CCDC146: variants seen among roughly 807,000 people sequenced by gnomAD.
CCDC146 encodes coiled-coil domain containing 146.
CCDC146 carries 92 observed loss-of-function variants against 119.3 expected under a neutral mutation model. The ratio of observed to expected loss-of-function variants is 0.77; its 90% CI spans 0.65 to 0.92. The LOEUF is 0.92. CCDC146 is among the 40% of genes least tolerant of loss of function. The pLI is 0.00. For missense variants in CCDC146, 1,000 were observed against 1,103.0 expected (o/e 0.91, Z 1.32); for synonymous variants, 372 against 371.8 (o/e 1.00, Z -0.01).
At position 77,216,418 on chromosome 7, in the gene CCDC146, C is replaced by T. The variant is rs552528408; in HGVS notation, c.157-20529C>T. On this transcript the variant is annotated intron_variant, in intron 2 of 18. Coordinates refer to ENST00000285871, the MANE Select transcript of CCDC146 (RefSeq NM_020879.3). The stretch of plus-strand genomic sequence containing the variant: ...GTTATTCATTTATAAAAAATAGTTA[C>T]TGATTCACTAACAGAATCAAGTCCC... Among the ~76,000 whole-genome samples, 16 of 152,228 alleles carry T rather than the reference C, an allele frequency of 1.1e-4. 1 individual carries two copies. In the South Asian group the frequency reaches 1.9e-3, roughly 18 times the overall value.
intron 17 of CCDC146, among the ~76,000 whole-genome samples, chr7:77,292,616 CAAAAAAAAA>C (rs61250624): frequency 1.1e-5 from 1 of 90,018 alleles, no homozygotes; most frequent in African/African-American, 3.5e-5. Context: ...GACTCAGTCT[CAAAAAAAAA>C]AAAAAAAAAA....
At chr7:77,159,888 T>A (rs1167384059) in intron 1 of CCDC146, among the ~76,000 whole-genome samples, 3 of 152,206 alleles carry the variant, frequency 2.0e-5, no homozygotes, top group Non-Finnish European at 4.4e-5. Flanking sequence ...CTTCTAGGGT[T>A]TTTATGGTCT....
rs1213207291 is a variant in CCDC146, at chr7:77,131,974, T to A, written c.-12+9242T>A. Reference sequence around the variant, plus strand: ...GGGAAAGAACTGTTCTGCATCTTGATTGTAGTCATGGTAACTTGCGTACAA... The same window carrying A: ...GGGAAAGAACTGTTCTGCATCTTGAATGTAGTCATGGTAACTTGCGTACAA... On this transcript the variant is annotated intron_variant, in intron 1 of 18. Coordinates refer to ENST00000285871, the MANE Select transcript of CCDC146 (RefSeq NM_020879.3). 7.2e-5 allele frequency among the ~76,000 whole-genome samples: 11 copies of A among 152,368 alleles called. No individual in the cohort carries two copies. The East Asian group carries it at 1.9e-3, about 27-fold the overall frequency.
chr7:77,287,480 A>G lies in CCDC146; in HGVS notation c.2318A>G (p.Glu773Gly). 1 of 1,614,140 alleles carries G rather than the reference A, an allele frequency of 6.2e-7. No homozygotes were observed. The change falls in exon 17 of 19, where the codon GAG (glutamate) becomes GGG (glycine). Residue 773 changes from glutamate to glycine, a missense_variant. Around this residue, in one of 2 missense-constraint regions of CCDC146, gnomAD observed 985 missense variants for 1,045.3 expected, o/e 0.94. Transcript: ENST00000285871. ...QLAKKEEKLL[E>G]KDFIYEQVSR... ...GCCAAGAAGGAGGAGAAGCTGCTGG[A>G]GAAGGATTTCATCTATGAGCAGGTC... is the stretch of plus-strand genomic sequence containing the variant.
chr7:77,248,044 A>G (rs965381402), intron 4 of CCDC146, among the ~76,000 whole-genome samples: 2 of 152,250 alleles, frequency 1.3e-5, no homozygotes, highest in Non-Finnish European at 2.9e-5. Context: ...GTGTCTGTCA[A>G]GAGATTGGAT....
At chr7:77,131,329 T>C (rs1196779182) in intron 1 of CCDC146, among the ~76,000 whole-genome samples, 1 of 151,988 alleles carries the variant, frequency 6.6e-6, no homozygotes, top group African/African-American at 2.4e-5. Flanking sequence ...GTCTCTCAAA[T>C]GTGAGTGGAA....
intron 10 of CCDC146, 40 bp downstream of exon 10, chr7:77,273,829 G>A (rs776005189): frequency 2.2e-5 from 29 of 1,318,770 alleles, no homozygotes; most frequent in African/African-American, 1.7e-4. Flanking sequence ...TCTAAGAAGC[G>A]TTCATACAAA....
intron 2 of CCDC146, among the ~76,000 whole-genome samples, chr7:77,228,755 ATACT>A (rs1374020007): frequency 6.6e-6 from 1 of 152,216 alleles, no homozygotes; most frequent in African/African-American, 2.4e-5. Context: ...AATGGCTGAA[ATACT>A]TACACTCCCA....
chr7:77,213,494 A>G (rs571442079), intron 2 of CCDC146, among the ~76,000 whole-genome samples: 1 of 152,250 alleles, frequency 6.6e-6, no homozygotes, highest in African/African-American at 2.4e-5. Context: ...TTATTATTTT[A>G]AATTCAGAGG....
At chr7:77,159,118 C>T (rs1791220752) in intron 1 of CCDC146, among the ~76,000 whole-genome samples, 1 of 152,122 alleles carries the variant, frequency 6.6e-6, no homozygotes, top group African/African-American at 2.4e-5. Context: ...TATCTATCAC[C>T]ATCCAAAGTT....
chr7:77,194,521 T>C (rs1007168997), intron 2 of CCDC146: 1 of 152,098 alleles, frequency 6.6e-6, no homozygotes, highest in African/African-American at 2.4e-5. Flanking sequence ...CTGAAAGCTT[T>C]GGGTTATATA....
chr7:77,267,972 T>C (rs1793439629), intron 9 of CCDC146, among the ~76,000 whole-genome samples: 2 of 152,204 alleles, frequency 1.3e-5, no homozygotes, highest in Admixed American at 1.3e-4. Flanking sequence ...TTATTACATA[T>C]TGCAGCAAGG....
intron 2 of CCDC146, among the ~76,000 whole-genome samples, chr7:77,213,991 G>A (rs1428418264): frequency 1.8e-4 from 28 of 152,280 alleles, no homozygotes; most frequent in Non-Finnish European, 2.9e-5. Context: ...AGCAGTGGGA[G>A]TGCTGGGTCA....
At chr7:77,199,523 T>A (rs1562830837) in intron 2 of CCDC146, 1 of 1,614,180 alleles carries the variant, frequency 6.2e-7, no homozygotes, top group South Asian at 1.1e-5. Context: ...TTCTTTAGAC[T>A]ATTTACGATT....
chr7:77,282,740 A>G lies in CCDC146; in HGVS notation c.2103A>G (p.Pro701=), dbSNP rs1488842075. The G allele has an allele frequency of 1.2e-6, 2 of 1,614,242 alleles. No homozygotes were observed. The highest frequency in any genetic ancestry group is 1.7e-6 in the Non-Finnish European group (2 of 1,180,028). ...RQICVTQKLL[P]AKRSLDADLA... ...TTTGTGTGACCCAGAAATTACTGCC[A>G]GCCAAGAGGTCCCTGGATGCCGACC... The change falls in exon 15 of 19, where the codon CCA becomes CCG. Residue 701 remains proline, a synonymous_variant. Coordinates refer to ENST00000285871, the MANE Select transcript of CCDC146 (RefSeq NM_020879.3).
At chr7:77,197,512 T>C (rs1791896933) in intron 2 of CCDC146, among the ~76,000 whole-genome samples, 1 of 152,228 alleles carries the variant, frequency 6.6e-6, no homozygotes, top group South Asian at 2.1e-4. Context: ...ATTGCATCCC[T>C]TGGTCCTAAA....
intron 2 of CCDC146, among the ~76,000 whole-genome samples, chr7:77,224,975 A>G (rs1282288360): frequency 1.3e-5 from 2 of 152,196 alleles, no homozygotes; most frequent in Non-Finnish European, 2.9e-5. Flanking sequence ...GAAGAATTGA[A>G]ATGAAAAGTC....
intron 18 of CCDC146, 138 bp from the exon 19 acceptor site, chr7:77,294,525 A>G: frequency 1.6e-6 from 1 of 630,540 alleles, no homozygotes; most frequent in Non-Finnish European, 2.8e-6. Flanking sequence ...CTACCCTCCT[A>G]CCCCTCCCAT....
intron 2 of CCDC146, chr7:77,199,545 T>G: frequency 6.2e-7 from 1 of 1,614,166 alleles, no homozygotes; most frequent in Non-Finnish European, 8.5e-7. Context: ...CCTTGAGGTT[T>G]TGGACTTCTT....
Sources: gnomAD v4.1 joint callset for allele counts (sites outside exome capture counted in the v4.1 genomes callset) on GRCh38, gnomAD v4.1.1 for gene constraint, gnomAD v4.1.1 regional missense constraint, MANE v1.5 for transcripts, NCBI Gene and HGNC (gene_info 2026-07-23, HGNC 2026-07-21) for gene names.